Variants in ADCY7 observed in about 807,000 individuals in gnomAD.
The protein encoded by ADCY7 is adenylate cyclase 7.
In ADCY7, 72 loss-of-function variants were observed where a neutral mutation model predicts 120.6. That is an observed-to-expected ratio of 0.60 (90% CI 0.49 to 0.73). The LOEUF (loss-of-function observed/expected upper bound fraction) is 0.73, where lower values mean the gene tolerates loss of function less well. Among genes scored for constraint, ADCY7 ranks in the 30% least tolerant of loss-of-function variants. ADCY7 has a pLI of 0.00. For synonymous variants in ADCY7, 661 were observed against 628.0 expected, an observed-to-expected ratio of 1.05 and a Z score of -0.78; for missense variants, 1,227 against 1,486.0, an observed-to-expected ratio of 0.83 and a Z score of 2.87.
rs1230265807 is a variant in ADCY7 at position 50,300,724 on chromosome 16, G to A, written c.1086G>A (p.Arg362=). 4 of 1,551,626 alleles carry A rather than the reference G, an allele frequency of 2.6e-6. No individual in the cohort carries two copies. The highest frequency in any genetic ancestry group is 3.5e-6 in the Non-Finnish European group (4 of 1,147,032). The part of the protein sequence containing the change: ...LDMCQAIKQV[R]EATGVDINMR... ...GGCCACTCTGCCCCAGGCAGGTGCG[G>A]GAGGCCACGGGCGTGGACATCAACA... Residue 362 remains arginine, a synonymous_variant, in exon 9 of 26, where the codon CGG becomes CGA. Transcript: ENST00000673801.
chr16:50,266,261 C>A (rs1176597355), upstream of ADCY7, among the ~76,000 whole-genome samples: 2 of 152,248 alleles, frequency 1.3e-5, no homozygotes, highest in Non-Finnish European at 2.9e-5. Context: ...CATTTGCTCC[C>A]CACTTTGAAC....
chr16:50,256,773 G>A (rs1451977877), intron 1 of ADCY7, among the ~76,000 whole-genome samples: 1 of 152,092 alleles, frequency 6.6e-6, no homozygotes, highest in Admixed American at 6.6e-5. Context: ...ATGCAAATTA[G>A]CACAGCCATT....
At chr16:50,248,552 T>A (rs1158176026) in intron 1 of ADCY7, among the ~76,000 whole-genome samples, 3 of 152,214 alleles carry the variant, frequency 2.0e-5, no homozygotes, top group African/African-American at 7.2e-5. Context: ...GGGCCGTTAC[T>A]TTTTACAGAT....
chr16:50,263,287 G>T (rs147460966), upstream of ADCY7, among the ~76,000 whole-genome samples: 92 of 152,174 alleles, frequency 6.0e-4, 1 homozygote, highest in African/African-American at 2.2e-3. Context: ...CCTGCCTGCC[G>T]GGACCTCCTA....
In ADCY7 at chr16:50,314,326, T is replaced by G; in HGVS notation, c.2891T>G (p.Met964Arg). The G allele has an allele frequency of 6.2e-7, 1 of 1,614,146 alleles. No homozygotes were observed. Among genetic ancestry groups the G allele is most frequent in the South Asian group, 1.1e-5 (1 of 91,084 alleles). Residue 964 changes from methionine (M) to arginine (R), a missense_variant, in exon 24 of 26, where the codon ATG (methionine) becomes AGG (arginine). Around this residue, in one of 5 missense-constraint regions of ADCY7, gnomAD observed 244 missense variants for 332.8 expected, o/e 0.73. Coordinates refer to ENST00000673801, the MANE Select transcript of ADCY7 (RefSeq NM_001114.5). ...LERQHAHIGV[M>R]VEFSIALMSK... Reference sequence around the variant, plus strand: ...CGGCAGCATGCCCACATTGGTGTCATGGTGGAGTTCAGCATCGCCCTGATG... The same window carrying G: ...CGGCAGCATGCCCACATTGGTGTCAGGGTGGAGTTCAGCATCGCCCTGATG...
At position 50,294,642 on chromosome 16, in the gene ADCY7, T is replaced by C. The variant is rs754943581; in HGVS notation, c.839T>C (p.Ile280Thr). 3.7e-6 allele frequency: 3 copies of C among 815,796 alleles called. No homozygotes were observed. The South Asian group carries it at 3.8e-5, about 10-fold the overall frequency. The allele number at this position is 815,796 out of a possible 1,614,324, so 50.5% of individuals were successfully genotyped here. A position where few individuals can be genotyped will look rare whatever the true frequency, so the allele number is the denominator to read the frequency against. Residue 280 changes from isoleucine to threonine, a missense_variant and splice_region_variant, in exon 7 of 26, where the codon ATC becomes ACC. By Grantham distance (89) the Ile-to-Thr change is moderately conservative (BLOSUM62 -1). Transcript: ENST00000673801. ...LYVKRHQNVS[I>T]LYADIVGFTQ... The stretch of plus-strand genomic sequence containing the variant: ...CTCCCACCCTGCCCCATCCCCAGCA[T>C]CCTCTATGCGGACATCGTGGGCTTC...
intron 10 of ADCY7, 32 bp downstream of exon 10, chr16:50,301,246 G>A (rs752345785): frequency 1.3e-6 from 2 of 1,543,174 alleles, no homozygotes; most frequent in African/African-American, 1.4e-5. Context: ...AGCTGGGGGG[G>A]ACCCGGAGGG....
chr16:50,267,656 A>G (rs540905483), intron 1 of ADCY7, among the ~76,000 whole-genome samples: 2 of 152,348 alleles, frequency 1.3e-5, no homozygotes, highest in East Asian at 3.9e-4. Context: ...CCAGGGAATC[A>G]CAGGGGGTTC....
intron 23 of ADCY7, 75 bp from the exon 24 acceptor site, chr16:50,314,217 A>G (rs1171261754): frequency 6.7e-7 from 1 of 1,484,268 alleles, no homozygotes; most frequent in Non-Finnish European, 9.3e-7. Flanking sequence ...ATCCTCAACA[A>G]GAGTGGCGCG....
chr16:50,296,346 C>A (rs115596317), intron 7 of ADCY7, among the ~76,000 whole-genome samples: 2,117 of 150,146 alleles, frequency 0.014, 49 homozygotes, highest in African/African-American at 0.049. Context: ...CACCATCATG[C>A]CCTGCCCCAT....
intron 1 of ADCY7, among the ~76,000 whole-genome samples, chr16:50,253,649 A>C (rs2032824761): frequency 6.6e-6 from 1 of 152,102 alleles, no homozygotes; most frequent in South Asian, 2.1e-4. Flanking sequence ...TTGGGCACTG[A>C]GCGCTTTCCA....
chr16:50,288,912 C>T (rs558788726), intron 2 of ADCY7, among the ~76,000 whole-genome samples: 1 of 152,156 alleles, frequency 6.6e-6, no homozygotes, highest in African/African-American at 2.4e-5. Context: ...ATCATCCTGG[C>T]TTATCCTCCT....
At chr16:50,250,527 CT>C in intron 1 of ADCY7, among the ~76,000 whole-genome samples, 1 of 150,398 alleles carries the variant, frequency 6.6e-6, no homozygotes, top group African/African-American at 2.4e-5. Context: ...ATATTTAATC[CT>C]AGCACTTTGG....
Position 50,313,043 on chromosome 16 carries a change from C to A in ADCY7, c.2751+7C>A. The stretch of plus-strand genomic sequence containing the variant: ...CATTGCCGACTTCGACGAGGTACAG[C>A]CTCTAGCCCAGCCTTGCGCAGCAGC... On this transcript the variant is annotated splice_region_variant and intron_variant, in intron 22 of 25. Coordinates refer to ENST00000673801, the MANE Select transcript of ADCY7 (RefSeq NM_001114.5). The A allele has an allele frequency of 1.2e-6, 2 of 1,614,078 alleles. No homozygotes were observed. Among genetic ancestry groups the A allele is most frequent in the South Asian group, 1.1e-5 (1 of 91,084 alleles).
At chr16:50,294,541 C>T (rs1246994756) in intron 6 of ADCY7, 99 bp from the exon 7 acceptor site, 2 of 778,152 alleles carry the variant, frequency 2.6e-6, no homozygotes, top group East Asian at 5.5e-5. Context: ...GGGCTCAGGC[C>T]TGGCAGGCTC....
intron 15 of ADCY7, among the ~76,000 whole-genome samples, chr16:50,307,661 G>A (rs1353378452): frequency 1.1e-4 from 16 of 152,144 alleles, no homozygotes; most frequent in East Asian, 1.9e-4. Flanking sequence ...CAGTTAGGCC[G>A]AAGCATCGAC....
chr16:50,272,299 G>A (rs1392233841), intron 1 of ADCY7, among the ~76,000 whole-genome samples: 1 of 151,768 alleles, frequency 6.6e-6, no homozygotes, highest in Non-Finnish European at 1.5e-5. Context: ...CCTGATCGGG[G>A]TGCTTTGTCT....
chr16:50,288,674 C>T (rs565070435), intron 2 of ADCY7, among the ~76,000 whole-genome samples: 6 of 151,962 alleles, frequency 3.9e-5, no homozygotes, highest in South Asian at 4.2e-4. Context: ...GATGGGCTTT[C>T]ACCATGTTGG....
chr16:50,301,025 G>T (rs1369426610), intron 9 of ADCY7, 57 bp from the exon 10 acceptor site: 3 of 1,594,350 alleles, frequency 1.9e-6, no homozygotes, highest in African/African-American at 2.7e-5. Flanking sequence ...TGCATCCCTG[G>T]GTGGATGCCA....
Sources: allele counts gnomAD v4.1 joint callset (sites outside exome capture counted in the v4.1 genomes callset), GRCh38; gene constraint gnomAD v4.1.1; regional missense constraint gnomAD v4.1.1; transcripts MANE v1.5; gene names NCBI Gene and HGNC (gene_info 2026-07-23, HGNC 2026-07-21).